The following MYO6 variants were observed in gnomAD, a reference collection of about 807,000 sequenced individuals.
The protein encoded by MYO6 is myosin VI.
A neutral mutation model predicts 178.7 loss-of-function variants in MYO6; 74 were observed. The observed-to-expected ratio is 0.41, with a 90% confidence interval of 0.34 to 0.50. MYO6 has a LOEUF of 0.50. Among genes scored for constraint, MYO6 ranks in the 20% least tolerant of loss-of-function variants. The probability of loss-of-function intolerance (pLI) is 0.09; values close to 1 mark genes in which losing one functional copy is unlikely to be tolerated. For missense variants in MYO6, 1,330 were observed against 1,547.4 expected (o/e 0.86, Z 2.36); for synonymous variants, 477 against 504.6 (o/e 0.95, Z 0.73).
chr6:75,796,346 A>G (rs1269209289), intron 1 of MYO6, among the ~76,000 whole-genome samples: 3 of 152,076 alleles, frequency 2.0e-5, no homozygotes, highest in Non-Finnish European at 4.4e-5. Flanking sequence ...TCTTCCTCTC[A>G]GTACACCCTC....
At chr6:75,783,544 A>G in intron 1 of MYO6, among the ~76,000 whole-genome samples, 1 of 146,042 alleles carries the variant, frequency 6.8e-6, no homozygotes, top group African/African-American at 2.5e-5. Context: ...CTGAGATGAC[A>G]TTTGATATCT....
chr6:75,793,375 C>T (rs1371723166), intron 1 of MYO6, among the ~76,000 whole-genome samples: 2 of 151,976 alleles, frequency 1.3e-5, no homozygotes, highest in Non-Finnish European at 2.9e-5. Flanking sequence ...GAGGCCAAGG[C>T]GGGTGGATCA....
At chr6:75,822,897 T>A (rs537944985) in intron 3 of MYO6, 46 bp downstream of exon 3, 28 of 1,460,012 alleles carry the variant, frequency 1.9e-5, no homozygotes, top group Middle Eastern at 1.8e-4. Context: ...AAAAGGAGAC[T>A]GTTCTTTTAA....
At chr6:75,905,374 G>A (rs1247826164) in intron 30 of MYO6, among the ~76,000 whole-genome samples, 6 of 152,218 alleles carry the variant, frequency 3.9e-5, no homozygotes, top group Non-Finnish European at 5.9e-5. Context: ...AAGAGACTCC[G>A]TGGGCGTAGG....
chr6:75,898,352 G>C, intron 29 of MYO6, 21 bp from the exon 30 acceptor site: 2 of 1,562,610 alleles, frequency 1.3e-6, no homozygotes, highest in Non-Finnish European at 1.8e-6. Flanking sequence ...TAACCATATT[G>C]TATTATCGTT....
At chr6:75,812,614 C>T (rs895929451) in intron 1 of MYO6, among the ~76,000 whole-genome samples, 2 of 152,094 alleles carry the variant, frequency 1.3e-5, no homozygotes, top group African/African-American at 4.8e-5. Context: ...CCTTCCCAGC[C>T]TCAGGTATCA....
At chr6:75,754,945 A>G (rs1777223481) in intron 1 of MYO6, among the ~76,000 whole-genome samples, 1 of 152,232 alleles carries the variant, frequency 6.6e-6, no homozygotes, top group African/African-American at 2.4e-5. Flanking sequence ...AATTAAAAAT[A>G]CTGGCTGCAT....
At chr6:75,817,428 A>T in intron 1 of MYO6, 73 bp from the exon 2 acceptor site, 1 of 866,684 alleles carries the variant, frequency 1.2e-6, no homozygotes, top group Non-Finnish European at 1.9e-6. Flanking sequence ...TGAACTTTTG[A>T]AAAAGATACA....
chr6:75,867,120 TA>T lies in MYO6; in HGVS notation c.1944+17del. ...ACAAGTTTAAGGTATTTGTGTTATT[TA>T]ATTTTTTTTTTACTATATTTAAAAT... On this transcript the variant is annotated intron_variant, in intron 18 of 34. Transcript: ENST00000369977. The T allele has an allele frequency of 1.3e-6, 2 of 1,571,930 alleles. No individual in the cohort carries two copies. The highest frequency in any genetic ancestry group is 1.7e-6 in the Non-Finnish European group (2 of 1,159,204).
At chr6:75,829,481 T>A (rs1772848549) in intron 4 of MYO6, among the ~76,000 whole-genome samples, 1 of 152,124 alleles carries the variant, frequency 6.6e-6, no homozygotes, top group Admixed American at 6.5e-5. Context: ...ACTATCAGTT[T>A]GCCTAATTGT....
At chr6:75,841,399 T>C (rs2150252565) in intron 9 of MYO6, 21 bp downstream of exon 9, 1 of 1,609,904 alleles carries the variant, frequency 6.2e-7, no homozygotes, top group Non-Finnish European at 8.5e-7. Flanking sequence ...AGAAAAGAAA[T>C]TTCATATAGC....
intron 25 of MYO6, among the ~76,000 whole-genome samples, chr6:75,888,042 C>G (rs1778600450): frequency 6.6e-6 from 1 of 151,774 alleles, no homozygotes; most frequent in African/African-American, 2.4e-5. Context: ...GTAATCCCAG[C>G]ACTTTGGGAG....
At chr6:75,842,570 T>G (rs943822453) in intron 9 of MYO6, among the ~76,000 whole-genome samples, 2 of 152,230 alleles carry the variant, frequency 1.3e-5, no homozygotes, top group African/African-American at 2.4e-5. Context: ...CTTAAAACAC[T>G]TTATAAATGT....
intron 1 of MYO6, among the ~76,000 whole-genome samples, chr6:75,806,991 A>G (rs1029190601): frequency 6.6e-6 from 1 of 152,162 alleles, no homozygotes; most frequent in Non-Finnish European, 1.5e-5. Flanking sequence ...CAGCACAGAT[A>G]AAAAACTGAA....
intron 20 of MYO6, among the ~76,000 whole-genome samples, chr6:75,875,437 G>A (rs1777498927): frequency 6.6e-6 from 1 of 152,006 alleles, no homozygotes; most frequent in African/African-American, 2.4e-5. Context: ...ACCACGCCCA[G>A]CTAATTAAAA....
At chr6:75,787,728 CTCTATATA>C (rs1323732217) in intron 1 of MYO6, among the ~76,000 whole-genome samples, 44 of 16,384 alleles carry the variant, frequency 2.7e-3, no homozygotes, top group Admixed American at 5.9e-3. Flanking sequence ...CTCTCTCTCT[CTCTATATA>C]TATATATATA....
At chr6:75,865,788 G>T (rs146360794) in intron 16 of MYO6, among the ~76,000 whole-genome samples, 54 of 152,260 alleles carry the variant, frequency 3.5e-4, no homozygotes, top group African/African-American at 1.3e-3. Flanking sequence ...AACCTAAAAT[G>T]ATTTAGTTTT....
rs548431007 is a variant in MYO6 at position 75,827,407 on chromosome 6, G to C, written c.188-1133G>C. Among the ~76,000 whole-genome samples the C allele has an allele frequency of 4.6e-5, 7 of 152,258 alleles. No homozygotes were observed. The South Asian group carries it at 6.2e-4, about 14-fold the overall frequency. ...AGTCTGTCTATGAGTTAGTATTAAG[G>C]TGAATTGTGGAAAATTATATGAAAA... On this transcript the variant is annotated intron_variant, in intron 3 of 34. Coordinates refer to ENST00000369977, the MANE Select transcript of MYO6 (RefSeq NM_004999.4).
intron 11 of MYO6, among the ~76,000 whole-genome samples, chr6:75,853,589 G>C (rs1438013128): frequency 6.6e-6 from 1 of 152,078 alleles, no homozygotes; most frequent in Non-Finnish European, 1.5e-5. Flanking sequence ...TGAAGAAGCT[G>C]TTCTTTCCTC....
Sources: gnomAD v4.1 joint callset for allele counts (sites outside exome capture counted in the v4.1 genomes callset) on GRCh38, gnomAD v4.1.1 for gene constraint, MANE v1.5 for transcripts, NCBI Gene and HGNC (gene_info 2026-07-23, HGNC 2026-07-21) for gene names.